Variants in E4F1 observed in about 807,000 individuals in gnomAD.
E4F1 encodes the protein E4F transcription factor 1.
A neutral mutation model predicts 72.9 loss-of-function variants in E4F1; 30 were observed. The observed-to-expected ratio is 0.41, with a 90% CI of 0.31 to 0.56. E4F1 has a LOEUF of 0.56. E4F1 is among the 20% of genes least tolerant of loss of function. E4F1 has a pLI of 0.25. For missense variants in E4F1, 1,091 were observed against 1,117.5 expected (o/e 0.98, Z 0.34); for synonymous variants, 542 against 478.2 (o/e 1.13, Z -1.74).
chr16:2,232,626 G>T, intron 5 of E4F1, 50 bp downstream of exon 5: 2 of 1,605,704 alleles, frequency 1.2e-6, no homozygotes, highest in Non-Finnish European at 1.7e-6. Context: ...CCGATGGTTG[G>T]CCCTGGGGTG....
intron 3 of E4F1, chr16:2,231,391 C>T (rs569998442): frequency 2.0e-5 from 3 of 152,282 alleles, no homozygotes; most frequent in Admixed American, 6.5e-5. Context: ...AGGGCTCGGG[C>T]AGGAGAGGCT....
rs370894816 is a variant in E4F1 at position 2,226,097 on chromosome 16, G to GA, written c.158-2263dup. ...AACAAAGCGAGACTCCGCCTTGAAA[G>GA]AAAAAAAAAAAAGATGCAGATTGGG... On this transcript the variant is annotated intron_variant, in intron 1 of 13. Transcript: ENST00000301727. Among the ~76,000 whole-genome samples the GA allele has an allele frequency of 3.5e-3, 510 of 143,796 alleles. 3 individuals carry two copies. The highest frequency in any genetic ancestry group is 7.3e-3 in the Middle Eastern group (2 of 274). The allele number at this position is 143,796 out of a possible 152,430, so 94.3% of individuals were successfully genotyped here.
At chr16:2,228,549 C>A in intron 2 of E4F1, 26 bp downstream of exon 2, 1 of 1,605,676 alleles carries the variant, frequency 6.2e-7, no homozygotes. Flanking sequence ...CTCCCCCATC[C>A]CCTCCCGGGT....
intron 2 of E4F1, 149 bp from the exon 3 acceptor site, chr16:2,229,421 C>T: frequency 1.3e-6 from 1 of 742,228 alleles, no homozygotes; most frequent in Non-Finnish European, 2.2e-6. Flanking sequence ...GGAGAGCCCC[C>T]ACCCCAGCCG....
rs765904296 is a variant in E4F1 at position 2,229,669 on chromosome 16, C to G, written c.409C>G (p.Leu137Val). 6 of 1,612,958 alleles carry G rather than the reference C, an allele frequency of 3.7e-6. No individual in the cohort carries two copies. The Admixed American group carries it at 8.3e-5, about 22-fold the overall frequency. The change falls in exon 3 of 14, where the codon CTT becomes GTT. Residue 137 changes from leucine to valine, a missense_variant. Leu to Val is a conservative substitution (Grantham distance 32). Coordinates refer to ENST00000301727, the MANE Select transcript of E4F1 (RefSeq NM_004424.5). Reference sequence around the variant, plus strand: ...AGCAGACATCAGCCACGCATCTGACCTTGTTGGTAAGCCGACTTCCATGAA... The same window carrying G: ...AGCAGACATCAGCCACGCATCTGACGTTGTTGGTAAGCCGACTTCCATGAA... ...LAADISHASD[L>V]VGGGHIKEVI...
chr16:2,223,989 G>A (rs978321020), intron 1 of E4F1: 1 of 1,492,590 alleles, frequency 6.7e-7, no homozygotes, highest in Admixed American at 2.2e-5. Flanking sequence ...CCTCTCTGGT[G>A]TGCGTCCACA....
chr16:2,234,338 G>T lies in E4F1; in HGVS notation c.1543G>T (p.Asp515Tyr). 6.2e-7 allele frequency: 1 copy of T among 1,612,996 alleles called. No homozygotes were observed. Among genetic ancestry groups the T allele is most frequent in the Admixed American group, 1.7e-5 (1 of 60,032 alleles). ...HVRGHRRVHS[D>Y]ERPYPCPKCG... ...GCGTGGCCACCGGCGCGTCCACTCAGACGAGCGGCCCTACCCTTGTCCCAA... is the reference window on the plus strand; with the variant it reads ...GCGTGGCCACCGGCGCGTCCACTCATACGAGCGGCCCTACCCTTGTCCCAA... The change falls in exon 10 of 14, where the codon GAC becomes TAC. Residue 515 changes from aspartate to tyrosine, a missense_variant. Coordinates refer to ENST00000301727, the MANE Select transcript of E4F1 (RefSeq NM_004424.5).
chr16:2,234,763 C>T lies in E4F1; in HGVS notation c.1774C>T (p.Arg592Trp), dbSNP rs2302584. The change falls in exon 11 of 14, where the codon CGG becomes TGG. Residue 592 changes from arginine (R) to tryptophan (W), a missense_variant. Physicochemically the swap from Arg to Trp is moderately radical, Grantham distance 101. Around this residue, in one of 5 missense-constraint regions of E4F1, gnomAD observed 622 missense variants for 628.0 expected, o/e 0.99. Transcript: ENST00000301727. ...RGFAEHGTLNRHLRTKGGCLL... is the reference protein window; with the variant it reads ...RGFAEHGTLNWHLRTKGGCLL... ...CTTCGCCGAGCACGGCACGCTGAAC[C>T]GGCACCTGCGCACCAAAGGTCTGGG... 23 of 1,517,634 alleles carry T rather than the reference C, an allele frequency of 1.5e-5. No homozygotes were observed. The highest frequency in any genetic ancestry group is 4.8e-5 in the South Asian group (4 of 83,104). 94.0% of individuals were successfully genotyped at this position (1,517,634 alleles called of 1,614,324 possible).
Position 2,231,957 on chromosome 16 carries a change from T to C in E4F1, c.416-214T>C, listed in dbSNP as rs2093470099. On this transcript the variant is annotated intron_variant, in intron 3 of 13. Coordinates refer to ENST00000301727, the MANE Select transcript of E4F1 (RefSeq NM_004424.5). ...GGCCCTGGAGCATCTCTGGGCAGCC[T>C]GACAGAGTCGGGAGGTGTCTCTCCA... 4 of 605,198 alleles carry C rather than the reference T, an allele frequency of 6.6e-6. No homozygotes were observed. In the South Asian group the frequency reaches 8.0e-5, roughly 12 times the overall value. The allele number at this position is 605,198 out of a possible 1,614,324, so 37.5% of individuals were successfully genotyped here. A position where few individuals can be genotyped will look rare whatever the true frequency, so the allele number is the denominator to read the frequency against.
intron 8 of E4F1, 72 bp downstream of exon 8, chr16:2,233,719 C>A: frequency 2.0e-6 from 3 of 1,488,062 alleles, no homozygotes; most frequent in South Asian, 1.3e-5. Context: ...CTGGCCTTCG[C>A]CTCCCTGAAG....
At chr16:2,228,283 C>G (rs1179538318) in intron 1 of E4F1, 89 bp from the exon 2 acceptor site, 2 of 1,549,298 alleles carry the variant, frequency 1.3e-6, no homozygotes, top group Admixed American at 1.8e-5. Context: ...CTGGGGGAAT[C>G]TGTTCTAGGG....
chr16:2,234,615 G>T lies in E4F1; in HGVS notation c.1626G>T (p.Leu542=). 1 of 1,600,690 alleles carries T rather than the reference G, an allele frequency of 6.2e-7. No individual in the cohort carries two copies. The change falls in exon 11 of 14, where the codon CTG becomes CTT. Residue 542 remains leucine, a synonymous_variant. Transcript: ENST00000301727. ...NAQQVHFRTH[L]EEKPHVCQFC... ...AGCAGGTGCACTTCAGGACACACCT[G>T]GAGGAGAAGCCGCACGTGTGCCAGT... is the stretch of plus-strand genomic sequence containing the variant.
In E4F1 at chr16:2,234,325, G is replaced by A; in HGVS notation, c.1530G>A (p.Arg510=). 6.2e-7 allele frequency: 1 copy of A among 1,612,974 alleles called. No individual in the cohort carries two copies. Among genetic ancestry groups the A allele is most frequent in the Non-Finnish European group, 8.5e-7 (1 of 1,179,992 alleles). ...CCATTGCCCATGTGCGTGGCCACCG[G>A]CGCGTCCACTCAGACGAGCGGCCCT... ...YKTIAHVRGH[R]RVHSDERPYP... Residue 510 remains arginine (R), a synonymous_variant, in exon 10 of 14, where the codon CGG becomes CGA. Transcript: ENST00000301727.
intron 1 of E4F1, 43 bp from the exon 2 acceptor site, chr16:2,228,329 G>T: frequency 6.2e-7 from 1 of 1,612,080 alleles, no homozygotes; most frequent in Non-Finnish European, 8.5e-7. Flanking sequence ...TGGCTGCCCA[G>T]CCTCCGCCTT....
intron 1 of E4F1, among the ~76,000 whole-genome samples, chr16:2,227,123 C>T (rs1303508604): frequency 6.6e-6 from 1 of 152,168 alleles, no homozygotes; most frequent in Non-Finnish European, 1.5e-5. Flanking sequence ...TTACTGCAGC[C>T]TCCACCCCTG....
At chr16:2,225,660 C>T (rs1414441985) in intron 1 of E4F1, among the ~76,000 whole-genome samples, 1 of 151,594 alleles carries the variant, frequency 6.6e-6, no homozygotes, top group East Asian at 2.0e-4. Context: ...TTAGTAGAGA[C>T]TGGATTTCTC....
In E4F1 at chr16:2,233,480, C is replaced by T. The variant is rs531263988; in HGVS notation, c.1099C>T (p.Arg367Cys). The change falls in exon 8 of 14, where the codon CGT becomes TGT. Residue 367 changes from arginine (R) to cysteine (C), a missense_variant. By Grantham distance (180) the Arg-to-Cys change is radical (BLOSUM62 -3). Transcript: ENST00000301727. ...GCTCCCCTGCTCCAGCGAGGGCAGC[C>T]GTGAGAACCTGCTGCACCAGGCCAT... ...QELPCSSEGS[R>C]ENLLHQAMQN... is the part of the protein sequence containing the mutation. 37 of 1,506,128 alleles carry T rather than the reference C, an allele frequency of 2.5e-5. No individual in the cohort carries two copies. The highest frequency in any genetic ancestry group is 2.4e-4 in the South Asian group (18 of 75,642). 93.3% of individuals were successfully genotyped at this position (1,506,128 alleles called of 1,614,324 possible). A position where few individuals can be genotyped will look rare whatever the true frequency, so the allele number is the denominator to read the frequency against.
intron 10 of E4F1, 43 bp from the exon 11 acceptor site, chr16:2,234,540 G>A (rs746895780): frequency 6.4e-6 from 10 of 1,556,452 alleles, no homozygotes; most frequent in Non-Finnish European, 1.7e-6. Context: ...GCTGTAGTCT[G>A]TTGTGGCCAA....
Position 2,233,580 on chromosome 16 carries a change from C to G in E4F1, c.1199C>G (p.Ser400Cys), listed in dbSNP as rs2093482569. The change falls in exon 8 of 14, where the codon TCC (serine) becomes TGC (cysteine). Residue 400 changes from serine to cysteine, a missense_variant. Around this residue, in one of 5 missense-constraint regions of E4F1, gnomAD observed 622 missense variants for 628.0 expected, o/e 0.99. Coordinates refer to ENST00000301727, the MANE Select transcript of E4F1 (RefSeq NM_004424.5). ...GALEPAPAAG[S>C]SPQPLAVAAP... is the part of the protein sequence containing the mutation. ...CTGGAGCCAGCTCCTGCTGCCGGGT[C>G]CAGTCCCCAGCCCCTGGCAGTGGCA... is the stretch of plus-strand genomic sequence containing the variant. The G allele has an allele frequency of 6.6e-7, 1 of 1,504,994 alleles. No homozygotes were observed. The highest frequency in any genetic ancestry group is 2.2e-5 in the Admixed American group (1 of 46,474). 93.2% of individuals were successfully genotyped at this position (1,504,994 alleles called of 1,614,324 possible).
Sources: gnomAD v4.1 joint callset for allele counts (sites outside exome capture counted in the v4.1 genomes callset) on GRCh38, gnomAD v4.1.1 for gene constraint, gnomAD v4.1.1 regional missense constraint, MANE v1.5 for transcripts, NCBI Gene and HGNC (gene_info 2026-07-23, HGNC 2026-07-21) for gene names.